The following BTBD6 variants were observed in gnomAD, a reference collection of about 807,000 sequenced individuals.
BTBD6 encodes the protein BTB domain containing 6, also known as BTB/POZ domain-containing protein 6.
A neutral mutation model predicts 40.6 loss-of-function variants in BTBD6; 30 were observed. That is an observed-to-expected ratio of 0.74 (90% CI 0.55 to 1.00). The LOEUF (loss-of-function observed/expected upper bound fraction) is 1.00. Among genes scored for constraint, BTBD6 ranks in the 50% least tolerant of loss-of-function variants. BTBD6 has a pLI of 0.00. For synonymous variants in BTBD6, 378 were observed against 308.7 expected, an observed-to-expected ratio of 1.22 and a Z score of -2.35; for missense variants, 698 against 694.6, an observed-to-expected ratio of 1.00 and a Z score of -0.06.
In BTBD6 at chr14:105,249,424, A is replaced by G. The variant is rs587749365; in HGVS notation, c.530A>G (p.Lys177Arg). 2.5e-6 allele frequency: 4 copies of G among 1,613,652 alleles called. No homozygotes were observed. The highest frequency in any genetic ancestry group is 1.7e-4 in the Middle Eastern group (1 of 6,040). The change falls in exon 3 of 4, where the codon AAA becomes AGA. Residue 177 changes from lysine (K) to arginine (R), a missense_variant. Lys to Arg is a conservative substitution (Grantham distance 26, BLOSUM62 2). Coordinates refer to ENST00000392554, the MANE Select transcript of BTBD6 (RefSeq NM_001387567.1). Reference sequence around the variant, plus strand: ...TTCTACGGAGACCTGGCGGAAGTCAAATCTGAAATTCACATTCCAGACGTG... The same window carrying G: ...TTCTACGGAGACCTGGCGGAAGTCAGATCTGAAATTCACATTCCAGACGTG... Reference protein sequence around the residue: ...AMFYGDLAEVKSEIHIPDVEP... With the variant: ...AMFYGDLAEVRSEIHIPDVEP...
chr14:105,250,103 G>A lies in BTBD6; in HGVS notation c.1048G>A (p.Ala350Thr), dbSNP rs1210948929. The A allele has an allele frequency of 5.6e-6, 9 of 1,612,812 alleles. No homozygotes were observed. Among genetic ancestry groups the A allele is most frequent in the Non-Finnish European group, 6.8e-6 (8 of 1,180,046 alleles). The stretch of plus-strand genomic sequence containing the variant: ...GACCCTAGAGGAGTTTGCCAACGGC[G>A]CTGCCCAGTCAGACATCCTGACTCT... The part of the protein sequence containing the change: ...TMTLEEFANG[A>T]AQSDILTLEE... The change falls in exon 4 of 4, where the codon GCT becomes ACT. Residue 350 changes from alanine to threonine, a missense_variant. By Grantham distance (58) the Ala-to-Thr change is moderately conservative. Coordinates refer to ENST00000392554, the MANE Select transcript of BTBD6 (RefSeq NM_001387567.1).
chr14:105,248,591 C>A lies in BTBD6; in HGVS notation c.-121C>A. 1.1e-6 allele frequency: 1 copy of A among 920,856 alleles called. No individual in the cohort carries two copies. The highest frequency in any genetic ancestry group is 1.3e-6 in the Non-Finnish European group (1 of 783,148). The allele number at this position is 920,856 out of a possible 1,614,324, so 57.0% of individuals were successfully genotyped here. ...GGCTCGGGCGGGCGGGCGGGCGGGA[C>A]GGCGCCCCCCGCGGCCGGGCCTGGC... On this transcript the variant is annotated 5_prime_UTR_variant, in exon 1 of 4. Transcript: ENST00000392554.
At chr14:105,249,301 T>C (rs992128047) in intron 2 of BTBD6, 54 bp downstream of exon 2, 4 of 1,582,658 alleles carry the variant, frequency 2.5e-6, no homozygotes, top group East Asian at 4.6e-5. Flanking sequence ...CCGTCCGCCG[T>C]GTGGCTGACA....
chr14:105,249,531 G>A (rs1595383247), intron 3 of BTBD6, 53 bp downstream of exon 3: 7 of 1,602,960 alleles, frequency 4.4e-6, no homozygotes, highest in African/African-American at 4.0e-5. Context: ...GGCGGCCTCC[G>A]GAGGCTTCTG....
Position 105,249,236 on chromosome 14 carries a change from C to A in BTBD6, c.454C>A (p.Pro152Thr), listed in dbSNP as rs1416310367. The A allele has an allele frequency of 6.3e-7, 1 of 1,581,838 alleles. No homozygotes were observed. Among genetic ancestry groups the A allele is most frequent in the Non-Finnish European group, 8.5e-7 (1 of 1,169,672 alleles). Residue 152 changes from proline (P) to threonine (T), a missense_variant, in exon 2 of 4, where the codon CCC (proline) becomes ACC (threonine). Coordinates refer to ENST00000392554, the MANE Select transcript of BTBD6 (RefSeq NM_001387567.1). ...GCCCCCGGGGGCGACCAGGACGGTGCCCGCCCACAAGGTGGGTAGCGGCGG... is the reference window on the plus strand; with the variant it reads ...GCCCCCGGGGGCGACCAGGACGGTGACCGCCCACAAGGTGGGTAGCGGCGG... ...VGPPGATRTVPAHKYVLAVGS... is the reference protein window; with the variant it reads ...VGPPGATRTVTAHKYVLAVGS...
At position 105,248,812 on chromosome 14, in the gene BTBD6, G is replaced by C. The variant is rs1407516649; in HGVS notation, c.101G>C (p.Arg34Thr). 1.0e-6 allele frequency: 1 copy of C among 984,818 alleles called. No homozygotes were observed. The allele number at this position is 984,818 out of a possible 1,614,324, so 61.0% of individuals were successfully genotyped here. The part of the protein sequence containing the change: ...EPLPRPRRGA[R>T]ARGAASTGAE... ...CTCCCGAGGCCCCGGCGCGGCGCGA[G>C]GGCGCGGGGCGCGGCGTCCACAGGC... is the stretch of plus-strand genomic sequence containing the variant. Residue 34 changes from arginine (R) to threonine (T), a missense_variant, in exon 1 of 4, where the codon AGG becomes ACG. Coordinates refer to ENST00000392554, the MANE Select transcript of BTBD6 (RefSeq NM_001387567.1).
intron 3 of BTBD6, 27 bp downstream of exon 3, chr14:105,249,505 G>T: frequency 6.2e-7 from 1 of 1,605,098 alleles, no homozygotes; most frequent in South Asian, 1.1e-5. Flanking sequence ...GGGGAGGGAC[G>T]GGTGGGTCCG....
chr14:105,250,810 G>A lies in BTBD6; in HGVS notation c.*138G>A, dbSNP rs2140298062. On this transcript the variant is annotated 3_prime_UTR_variant, in exon 4 of 4. Transcript: ENST00000392554. ...TAGTCAGCTGAAGCTTGACTGTGTA[G>A]AGACATTTTCCACACAGCCAGAACC... 1.2e-5 allele frequency: 11 copies of A among 952,896 alleles called. No homozygotes were observed. Among genetic ancestry groups the A allele is most frequent in the Non-Finnish European group, 1.7e-5 (11 of 644,360 alleles). 59.0% of individuals were successfully genotyped at this position (952,896 alleles called of 1,614,324 possible).
rs587724833 is a variant in BTBD6, at chr14:105,250,456, C to T, written c.1401C>T (p.Phe467=). ...KFMSDGSSNT[F]PVWFEHPVQV... ...TGTCAGACGGATCCAGTAACACCTT[C>T]CCGGTCTGGTTTGAACACCCGGTCC... Residue 467 remains phenylalanine (F), a synonymous_variant, in exon 4 of 4, where the codon TTC becomes TTT. Coordinates refer to ENST00000392554, the MANE Select transcript of BTBD6 (RefSeq NM_001387567.1). The T allele has an allele frequency of 1.2e-6, 2 of 1,614,022 alleles. No homozygotes were observed. Among genetic ancestry groups the T allele is most frequent in the African/African-American group, 2.7e-5 (2 of 75,042 alleles).
In BTBD6 at chr14:105,248,630, G is replaced by A. The variant is rs2055328603; in HGVS notation, c.-82G>A. 1.0e-5 allele frequency: 10 copies of A among 979,046 alleles called. No individual in the cohort carries two copies. The highest frequency in any genetic ancestry group is 1.2e-5 in the Non-Finnish European group (10 of 827,196). 60.6% of individuals were successfully genotyped at this position (979,046 alleles called of 1,614,324 possible). ...GCCGGGCCTGGCCGGGCTGCGCTAG[G>A]CTGGGCTCGGGCAGGGTCGCAGGGG... On this transcript the variant is annotated 5_prime_UTR_variant, in exon 1 of 4. Transcript: ENST00000392554.
chr14:105,249,548 A>G (rs751652166), intron 3 of BTBD6, 70 bp downstream of exon 3: 1 of 1,591,930 alleles, frequency 6.3e-7, no homozygotes. Flanking sequence ...TCTGAAGGGA[A>G]GCACACAGGA....
chr14:105,250,570 G>A lies in BTBD6; in HGVS notation c.1515G>A (p.Val505=), dbSNP rs1203023022. ...SYFGQEGMTE[V]QCGKVAFQFQ... is the part of the protein sequence containing the mutation. ...TTGGGCAGGAGGGGATGACGGAAGT[G>A]CAGTGTGGAAAGGTGGCCTTCCAGT... is the stretch of plus-strand genomic sequence containing the variant. The change falls in exon 4 of 4, where the codon GTG becomes GTA. Residue 505 remains valine, a synonymous_variant. Transcript: ENST00000392554. 3 of 1,614,132 alleles carry A rather than the reference G, an allele frequency of 1.9e-6. No individual in the cohort carries two copies. The highest frequency in any genetic ancestry group is 1.1e-5 in the South Asian group (1 of 91,088).
intron 2 of BTBD6, 29 bp downstream of exon 2, chr14:105,249,276 CG>C: frequency 1.3e-6 from 2 of 1,563,730 alleles, no homozygotes; most frequent in Non-Finnish European, 1.7e-6. Flanking sequence ...TCTCGGAACG[CG>C]TGCCCCGTCC....
rs1404527427 is a variant in BTBD6 at position 105,249,945 on chromosome 14, A to C, written c.890A>C (p.Lys297Thr). Reference sequence around the variant, plus strand: ...GTCACTCGGGAGGCCCTCAACACCAAAGAGGCGGTGGTCTTCGAGGCCGTC... The same window carrying C: ...GTCACTCGGGAGGCCCTCAACACCACAGAGGCGGTGGTCTTCGAGGCCGTC... ...IIVTREALNT[K>T]EAVVFEAVLN... Residue 297 changes from lysine to threonine, a missense_variant, in exon 4 of 4, where the codon AAA becomes ACA. By Grantham distance (78) the Lys-to-Thr change is moderately conservative. Coordinates refer to ENST00000392554, the MANE Select transcript of BTBD6 (RefSeq NM_001387567.1). The C allele has an allele frequency of 1.2e-6, 2 of 1,611,870 alleles. No homozygotes were observed. The highest frequency in any genetic ancestry group is 1.7e-6 in the Non-Finnish European group (2 of 1,180,014).
rs1206707831 is a variant in BTBD6, at chr14:105,248,673, C to T, written c.-39C>T. The T allele has an allele frequency of 6.1e-6, 6 of 981,412 alleles. No individual in the cohort carries two copies. The highest frequency in any genetic ancestry group is 6.3e-5 in the Admixed American group (1 of 15,854). The allele number at this position is 981,412 out of a possible 1,614,324, so 60.8% of individuals were successfully genotyped here. On this transcript the variant is annotated 5_prime_UTR_variant, in exon 1 of 4. Transcript: ENST00000392554. ...CGCAGGGGCGGGGGTGGCAGGGGAG[C>T]GGGTGGCAGCCCCGCGGGTCACAGC...
In BTBD6 at chr14:105,249,570, C is replaced by T. The variant is rs587662170; in HGVS notation, c.585-70C>T. ...GGAAGCACACAGGAGCTGATGGACT[C>T]CTCTCCCAGGCCCAGCCCCGCGATG... On this transcript the variant is annotated intron_variant, in intron 3 of 3. Transcript: ENST00000392554. 7 of 1,587,064 alleles carry T rather than the reference C, an allele frequency of 4.4e-6. No individual in the cohort carries two copies. In the East Asian group the frequency reaches 1.1e-4, roughly 25 times the overall value.
Position 105,249,303 on chromosome 14 carries a change from T to C in BTBD6, c.465+56T>C. 5 of 1,584,804 alleles carry C rather than the reference T, an allele frequency of 3.2e-6. No individual in the cohort carries two copies. The South Asian group carries it at 5.6e-5, about 18-fold the overall frequency. ...TGCCCCGTCCGCCCCGTCCGCCGTGTGGCTGACACGCAGCCTGCGGGAGAG... is the reference window on the plus strand; with the variant it reads ...TGCCCCGTCCGCCCCGTCCGCCGTGCGGCTGACACGCAGCCTGCGGGAGAG... On this transcript the variant is annotated intron_variant, in intron 2 of 3. Coordinates refer to ENST00000392554, the MANE Select transcript of BTBD6 (RefSeq NM_001387567.1).
At position 105,248,835 on chromosome 14, in the gene BTBD6, G is replaced by A; in HGVS notation, c.124G>A (p.Gly42Ser). ...GARARGAAST[G>S]AEAAPAAPPA... ...GAGGGCGCGGGGCGCGGCGTCCACA[G>A]GCGCCGAGGCTGCCCCCGCCGCCCC... The change falls in exon 1 of 4, where the codon GGC becomes AGC. Residue 42 changes from glycine (G) to serine (S), a missense_variant. Physicochemically the swap from Gly to Ser is moderately conservative, Grantham distance 56. Coordinates refer to ENST00000392554, the MANE Select transcript of BTBD6 (RefSeq NM_001387567.1). 2.0e-6 allele frequency: 2 copies of A among 989,492 alleles called. No homozygotes were observed. The highest frequency in any genetic ancestry group is 2.4e-6 in the Non-Finnish European group (2 of 834,054). 61.3% of individuals were successfully genotyped at this position (989,492 alleles called of 1,614,324 possible).
In BTBD6 at chr14:105,250,607, T is replaced by C; in HGVS notation, c.1552T>C (p.Ser518Pro). Residue 518 changes from serine to proline, a missense_variant, in exon 4 of 4, where the codon TCG becomes CCG. Ser to Pro is a moderately conservative substitution (Grantham distance 74). Transcript: ENST00000392554. Reference sequence around the variant, plus strand: ...GGTGGCCTTCCAGTTCCAGTGCTCCTCGGACAGCACCAACGGGACTGGGGT... The same window carrying C: ...GGTGGCCTTCCAGTTCCAGTGCTCCCCGGACAGCACCAACGGGACTGGGGT... ...GKVAFQFQCS[S>P]DSTNGTGVQG... 2.5e-6 allele frequency: 4 copies of C among 1,614,002 alleles called. No individual in the cohort carries two copies. Among genetic ancestry groups the C allele is most frequent in the Non-Finnish European group, 3.4e-6 (4 of 1,180,012 alleles).
Sources: gnomAD v4.1 joint callset for allele counts on GRCh38, gnomAD v4.1.1 for gene constraint, MANE v1.5 for transcripts, NCBI Gene and HGNC (gene_info 2026-07-23, HGNC 2026-07-21) for gene names.